The following MMP26 variants were observed in gnomAD, a reference collection of about 807,000 sequenced individuals.
The protein encoded by MMP26 is matrix metalloproteinase-26.
A neutral mutation model predicts 31.0 loss-of-function variants in MMP26; 33 were observed. The ratio of observed to expected loss-of-function variants is 1.06; its 90% confidence interval spans 0.81 to 1.42. The LOEUF (loss-of-function observed/expected upper bound fraction) is 1.42. Ranked by LOEUF, MMP26 falls within the 40% of genes most tolerant of loss-of-function variation. MMP26 has a pLI of 0.00. For synonymous variants in MMP26, 122 were observed against 114.9 expected (o/e 1.06, Z -0.40); for missense variants, 347 against 316.1 (o/e 1.10, Z -0.74).
intron 3 of MMP26, 133 bp downstream of exon 3, chr11:4,988,443 T>C: frequency 1.5e-5 from 11 of 751,922 alleles, no homozygotes; most frequent in Non-Finnish European, 2.6e-5. Flanking sequence ...AAACATTTTA[T>C]TCTATCTATG....
chr11:4,804,329 G>A (rs1434425411), intron 2 of MMP26: 2 of 1,614,146 alleles, frequency 1.2e-6, no homozygotes, highest in Admixed American at 1.7e-5. Flanking sequence ...GGGATTCCAA[G>A]CAGGATGAAG....
Position 4,783,297 on chromosome 11 carries a change from A to G in MMP26, c.-145+15956A>G, listed in dbSNP as rs924096146. Among the ~76,000 whole-genome samples, 19 of 152,232 alleles carry G rather than the reference A, an allele frequency of 1.2e-4. No homozygotes were observed. The East Asian group carries it at 1.5e-3, about 12-fold the overall frequency. ...TCAGTGTGACCCAGATGGGAGACAT[A>G]GAGTCAAAGGAGATAATTTTGGAGA... On this transcript the variant is annotated intron_variant, in intron 2 of 7. Coordinates refer to ENST00000380390, the MANE Select transcript of MMP26 (RefSeq NM_021801.5).
chr11:4,805,593 T>C (rs1369310085), intron 2 of MMP26, among the ~76,000 whole-genome samples: 1 of 152,206 alleles, frequency 6.6e-6, no homozygotes, highest in Non-Finnish European at 1.5e-5. Flanking sequence ...CCCCACACTA[T>C]CTCTAGCATC....
intron 2 of MMP26, among the ~76,000 whole-genome samples, chr11:4,895,422 G>A (rs1032367873): frequency 1.3e-5 from 2 of 152,068 alleles, no homozygotes; most frequent in African/African-American, 4.8e-5. Context: ...ACTGACTTCC[G>A]ACCCTGTGAA....
chr11:4,736,245 G>T (rs1311350212), intron 1 of MMP26: 1 of 152,050 alleles, frequency 6.6e-6, no homozygotes, highest in African/African-American at 2.4e-5. Flanking sequence ...ATTCATCACT[G>T]GTGGAATAAG....
intron 2 of MMP26, chr11:4,769,987 T>C (rs1420847283): frequency 2.7e-6 from 2 of 747,106 alleles, no homozygotes; most frequent in East Asian, 2.7e-5. Flanking sequence ...TTAAGTGTTA[T>C]GTAAAATATT....
At chr11:4,875,587 CAAT>C (rs1259707351) in intron 2 of MMP26, 1 of 152,048 alleles carries the variant, frequency 6.6e-6, no homozygotes, top group East Asian at 1.9e-4. Context: ...TCTTCAATGT[CAAT>C]AATTCATGTC....
At chr11:4,742,488 G>A (rs927618981) in intron 1 of MMP26, among the ~76,000 whole-genome samples, 1 of 152,110 alleles carries the variant, frequency 6.6e-6, no homozygotes. Context: ...CTGGGTCGCC[G>A]GATGCCTAGA....
intron 4 of MMP26, 112 bp downstream of exon 4, chr11:4,989,980 C>G (rs976600194): frequency 2.6e-6 from 2 of 782,186 alleles, no homozygotes; most frequent in Non-Finnish European, 4.1e-6. Flanking sequence ...ATTGGCAGCC[C>G]GCTCAAAGCC....
chr11:4,758,770 A>G (rs1026748661), intron 1 of MMP26, among the ~76,000 whole-genome samples: 1 of 152,190 alleles, frequency 6.6e-6, no homozygotes, highest in Non-Finnish European at 1.5e-5. Context: ...TTTGAAGCAT[A>G]TATAACATTC....
At chr11:4,969,839 A>C (rs1564816961) in intron 2 of MMP26, among the ~76,000 whole-genome samples, 1 of 152,182 alleles carries the variant, frequency 6.6e-6, no homozygotes, top group Non-Finnish European at 1.5e-5. Context: ...AAACGTTATT[A>C]AACTAGGCTC....
At chr11:4,941,451 G>A (rs2570584) in intron 2 of MMP26, among the ~76,000 whole-genome samples, 149,694 of 152,318 alleles carry the variant, frequency 0.98, 73,612 homozygotes, top group East Asian at 1. Flanking sequence ...AACACATACG[G>A]GTTCTTATAC....
chr11:4,705,014 C>T lies in MMP26; in HGVS notation c.-248C>T, dbSNP rs1049177571. The T allele has an allele frequency of 2.6e-5, 4 of 152,212 alleles. No homozygotes were observed. The highest frequency in any genetic ancestry group is 6.5e-5 in the Admixed American group (1 of 15,282). 9.4% of individuals were successfully genotyped at this position (152,212 alleles called of 1,614,324 possible). On this transcript the variant is annotated 5_prime_UTR_variant, in exon 1 of 8. Coordinates refer to ENST00000380390, the MANE Select transcript of MMP26 (RefSeq NM_021801.5). ...AGCAGGGGGCAGGATCAAATAACCTCACCTTCCAGACCCAAGAATTCTGTG... is the reference window on the plus strand; with the variant it reads ...AGCAGGGGGCAGGATCAAATAACCTTACCTTCCAGACCCAAGAATTCTGTG...
At chr11:4,860,291 G>A (rs542973543) in intron 2 of MMP26, 1 of 471,322 alleles carries the variant, frequency 2.1e-6, no homozygotes, top group East Asian at 7.0e-5. Context: ...ACAATCTGAG[G>A]GGCATTAAAC....
At chr11:4,920,663 GTGT>G (rs2133580295) in intron 2 of MMP26, among the ~76,000 whole-genome samples, 2 of 152,286 alleles carry the variant, frequency 1.3e-5, no homozygotes, top group South Asian at 4.1e-4. Flanking sequence ...GTTTCAGGTA[GTGT>G]TGTGTGCAGT....
chr11:4,722,018 T>G (rs1231928089), intron 1 of MMP26, among the ~76,000 whole-genome samples: 1 of 152,226 alleles, frequency 6.6e-6, no homozygotes, highest in African/African-American at 2.4e-5. Context: ...CATCTTCCTT[T>G]TGCTCCAACC....
chr11:4,885,198 A>G (rs571961336), intron 2 of MMP26, among the ~76,000 whole-genome samples: 1 of 152,236 alleles, frequency 6.6e-6, no homozygotes, highest in East Asian at 1.9e-4. Flanking sequence ...TATTTTATAT[A>G]TTTGGAGTTT....
chr11:4,894,330 C>T (rs186148712), intron 2 of MMP26, among the ~76,000 whole-genome samples: 1 of 152,210 alleles, frequency 6.6e-6, no homozygotes, highest in East Asian at 1.9e-4. Context: ...AGAACACATG[C>T]AATTTGAATA....
rs943392726 is a variant in MMP26, at chr11:4,704,972, G to A, written c.-290G>A. 5 of 152,198 alleles carry A rather than the reference G, an allele frequency of 3.3e-5. No individual in the cohort carries two copies. The highest frequency in any genetic ancestry group is 1.2e-4 in the African/African-American group (5 of 41,438). 9.4% of individuals were successfully genotyped at this position (152,198 alleles called of 1,614,324 possible). A position where few individuals can be genotyped will look rare whatever the true frequency, so the allele number is the denominator to read the frequency against. ...TGCATTAATAGATTCTCTGCTGTGTGGGATGATCCTTCAAATAGCAGGGGG... is the reference window on the plus strand; with the variant it reads ...TGCATTAATAGATTCTCTGCTGTGTAGGATGATCCTTCAAATAGCAGGGGG... On this transcript the variant is annotated 5_prime_UTR_variant, in exon 1 of 8. Transcript: ENST00000380390.
Sources: allele counts gnomAD v4.1 joint callset (sites outside exome capture counted in the v4.1 genomes callset), GRCh38; gene constraint gnomAD v4.1.1; transcripts MANE v1.5; gene names NCBI Gene and HGNC (gene_info 2026-07-23, HGNC 2026-07-21).